The following FAM83F variants were observed in gnomAD, a reference collection of about 807,000 sequenced individuals.
The protein encoded by FAM83F is protein FAM83F.
FAM83F carries 45 observed loss-of-function variants against 42.9 expected under a neutral mutation model. That is an observed-to-expected ratio of 1.05 (90% CI 0.83 to 1.35). The LOEUF (loss-of-function observed/expected upper bound fraction) is 1.35, where lower values mean the gene tolerates loss of function less well. Ranked by LOEUF, FAM83F falls within the 40% of genes most tolerant of loss-of-function variation. The probability of loss-of-function intolerance (pLI) is 0.00; values close to 1 mark genes in which losing one functional copy is unlikely to be tolerated. For missense variants in FAM83F, 617 were observed against 695.9 expected (o/e 0.89, Z 1.28); for synonymous variants, 306 against 298.3 (o/e 1.03, Z -0.27).
chr22:40,021,645 G>A lies in FAM83F; in HGVS notation c.1135G>A (p.Val379Ile). 2 of 1,603,650 alleles carry A rather than the reference G, an allele frequency of 1.2e-6. No individual in the cohort carries two copies. The highest frequency in any genetic ancestry group is 1.7e-6 in the Non-Finnish European group (2 of 1,172,168). ...WRLESFLKDL[V>I]TVEQVLPPVE... ...CCTGGAGAGCTTCCTGAAAGACCTG[G>A]TTACGGTGGAGCAGGTGCTGCCCCC... Residue 379 changes from valine (V) to isoleucine (I), a missense_variant, in exon 4 of 5, where the codon GTT (valine) becomes ATT (isoleucine). By Grantham distance (29) the Val-to-Ile change is conservative. Transcript: ENST00000333407. This position sits in a 1 kb window ranked among gnomAD's most constrained non-coding sequence, Gnocchi z 8.7.
chr22:40,004,031 G>A (rs990580161), intron 1 of FAM83F, among the ~76,000 whole-genome samples: 1 of 152,074 alleles, frequency 6.6e-6, no homozygotes, highest in African/African-American at 2.4e-5. Context: ...GCCTGGGAGG[G>A]CTCCCAGATG....
Position 39,995,575 on chromosome 22 carries a change from C to T in FAM83F, c.489+44C>T. 2.0e-6 allele frequency: 3 copies of T among 1,501,434 alleles called. No individual in the cohort carries two copies. Among genetic ancestry groups the T allele is most frequent in the Non-Finnish European group, 2.7e-6 (3 of 1,118,596 alleles). 93.0% of individuals were successfully genotyped at this position (1,501,434 alleles called of 1,614,324 possible). On this transcript the variant is annotated intron_variant, in intron 1 of 4. Coordinates refer to ENST00000333407, the MANE Select transcript of FAM83F (RefSeq NM_138435.4). This position sits in a 1 kb window ranked among gnomAD's most constrained non-coding sequence, Gnocchi z 4.6. ...CCCCACACCGCTGGGACCTCGGCCC[C>T]AGTCCCCTGGACCGGGCCCCACCTC...
chr22:40,019,106 C>T, intron 1 of FAM83F, 62 bp from the exon 2 acceptor site: 1 of 1,582,802 alleles, frequency 6.3e-7, no homozygotes. Context: ...ACCATCTGAG[C>T]AGGGCATGCC....
intron 1 of FAM83F, among the ~76,000 whole-genome samples, chr22:40,015,146 T>C (rs542935360): frequency 1.3e-5 from 2 of 152,182 alleles, no homozygotes; most frequent in African/African-American, 4.8e-5. Context: ...AATTGGTTCA[T>C]GGGATAATGG....
intron 1 of FAM83F, chr22:39,997,833 G>A (rs994666097): frequency 6.6e-6 from 1 of 152,258 alleles, no homozygotes; most frequent in African/African-American, 2.4e-5. Flanking sequence ...GACACTGTCT[G>A]CGCCCACCCA....
rs1480052165 is a variant in FAM83F at position 39,995,414 on chromosome 22, G to A, written c.372G>A (p.Thr124=). Residue 124 remains threonine, a synonymous_variant, in exon 1 of 5, where the codon ACG becomes ACA. Coordinates refer to ENST00000333407, the MANE Select transcript of FAM83F (RefSeq NM_138435.4). The surrounding 1 kb of genome is among the most constrained non-coding windows in gnomAD (Gnocchi z 4.6). ...TGCCTCCTCTGGACCTGGGCTGGAC[G>A]GACACTGGTTTCTACCGCGGCGTGA... ...TEVPPLDLGW[T]DTGFYRGVSR... The A allele has an allele frequency of 1.9e-6, 3 of 1,550,422 alleles. No homozygotes were observed. The highest frequency in any genetic ancestry group is 2.6e-6 in the Non-Finnish European group (3 of 1,147,276).
In FAM83F at chr22:40,004,715, G is replaced by A. The variant is rs560737453; in HGVS notation, c.489+9184G>A. 2.6e-5 allele frequency among the ~76,000 whole-genome samples: 4 copies of A among 152,322 alleles called. No individual in the cohort carries two copies. The South Asian group carries it at 8.3e-4, about 32-fold the overall frequency. On this transcript the variant is annotated intron_variant, in intron 1 of 4. Transcript: ENST00000333407. Reference sequence around the variant, plus strand: ...GACCTTCTAAAGTGCTGGGATTACAGGCGTGAGCCACCGCGCCTAGCCTAT... The same window carrying A: ...GACCTTCTAAAGTGCTGGGATTACAAGCGTGAGCCACCGCGCCTAGCCTAT...
intron 1 of FAM83F, among the ~76,000 whole-genome samples, chr22:40,011,015 T>C (rs1242861105): frequency 6.6e-6 from 1 of 152,198 alleles, no homozygotes; most frequent in Non-Finnish European, 1.5e-5. Context: ...TTGTGCACTT[T>C]AGTTCACGGC....
At position 40,038,165 on chromosome 22, in the gene FAM83F, G is replaced by A. The variant is rs2067635983; in HGVS notation, c.*8600G>A. 6.6e-6 allele frequency: 1 copy of A among 152,308 alleles called. No individual in the cohort carries two copies. The highest frequency in any genetic ancestry group is 1.5e-5 in the Non-Finnish European group (1 of 68,092). 9.4% of individuals were successfully genotyped at this position (152,308 alleles called of 1,614,324 possible). A position where few individuals can be genotyped will look rare whatever the true frequency, so the allele number is the denominator to read the frequency against. ...ACATGGTTAGGAAGATGGATACTGG[G>A]AGGCAAGTGTTCTGATGGGAAAGCA... On this transcript the variant is annotated 3_prime_UTR_variant, in exon 5 of 5. Coordinates refer to ENST00000333407, the MANE Select transcript of FAM83F (RefSeq NM_138435.4).
chr22:40,023,004 C>G lies in FAM83F; in HGVS notation c.1453+1041C>G, dbSNP rs960838517. On this transcript the variant is annotated intron_variant, in intron 4 of 4. Transcript: ENST00000333407. The surrounding 1 kb of genome is among the most constrained non-coding windows in gnomAD (Gnocchi z 4.1). Reference sequence around the variant, plus strand: ...ACATTCTGTGCTCAGGAAATGTTGGCTAACTTTGCTTCTTGGAGTTGGAAC... The same window carrying G: ...ACATTCTGTGCTCAGGAAATGTTGGGTAACTTTGCTTCTTGGAGTTGGAAC... Among the ~76,000 whole-genome samples the G allele has an allele frequency of 2.6e-5, 4 of 152,238 alleles. No homozygotes were observed. Among genetic ancestry groups the G allele is most frequent in the Non-Finnish European group, 4.4e-5 (3 of 68,046 alleles).
In FAM83F at chr22:40,021,985, C is replaced by T. The variant is rs2067526235; in HGVS notation, c.1453+22C>T. On this transcript the variant is annotated intron_variant, in intron 4 of 4. Coordinates refer to ENST00000333407, the MANE Select transcript of FAM83F (RefSeq NM_138435.4). The surrounding 1 kb of genome is among the most constrained non-coding windows in gnomAD (Gnocchi z 8.7). ...TCAGGTGAGCCCTCTTCCCTCTGGC[C>T]TGGTGCCTCCCCAGGCCTCTGGCCC... 1 of 1,520,146 alleles carries T rather than the reference C, an allele frequency of 6.6e-7. No homozygotes were observed. Among genetic ancestry groups the T allele is most frequent in the Non-Finnish European group, 8.8e-7 (1 of 1,135,786 alleles). 94.2% of individuals were successfully genotyped at this position (1,520,146 alleles called of 1,614,324 possible). A position where few individuals can be genotyped will look rare whatever the true frequency, so the allele number is the denominator to read the frequency against.
intron 4 of FAM83F, among the ~76,000 whole-genome samples, chr22:40,029,001 A>G (rs1022670595): frequency 6.6e-6 from 1 of 152,106 alleles, no homozygotes; most frequent in Non-Finnish European, 1.5e-5. Flanking sequence ...GAGGGGAACC[A>G]GAGAGAAGGA....
At position 39,995,032 on chromosome 22, in the gene FAM83F, G is replaced by A. The variant is rs2067365753; in HGVS notation, c.-11G>A. ...GGCCGGGGCCAGGGCCGGGGCCGGG[G>A]CCGGGGCGCCATGGCCGAGTCCCAG... On this transcript the variant is annotated 5_prime_UTR_variant, in exon 1 of 5. Transcript: ENST00000333407. The surrounding 1 kb of genome is among the most constrained non-coding windows in gnomAD (Gnocchi z 4.6). 64 of 1,269,104 alleles carry A rather than the reference G, an allele frequency of 5.0e-5. No individual in the cohort carries two copies. Among genetic ancestry groups the A allele is most frequent in the Non-Finnish European group, 5.8e-5 (59 of 1,010,284 alleles). 78.6% of individuals were successfully genotyped at this position (1,269,104 alleles called of 1,614,324 possible).
chr22:40,019,780 C>A, intron 2 of FAM83F, 107 bp from the exon 3 acceptor site: 1 of 1,437,080 alleles, frequency 7.0e-7, no homozygotes, highest in Non-Finnish European at 9.3e-7. Flanking sequence ...AGACAGGAGC[C>A]TGCAGGCAGG....
chr22:40,009,170 C>T (rs939315607), intron 1 of FAM83F, among the ~76,000 whole-genome samples: 4 of 152,162 alleles, frequency 2.6e-5, no homozygotes, highest in Non-Finnish European at 1.5e-5. Flanking sequence ...GGAGGCGACT[C>T]GGCCCCAGGC....
Position 39,995,010 on chromosome 22 carries a change from C to T in FAM83F, c.-33C>T, listed in dbSNP as rs2067365326. The T allele has an allele frequency of 2.4e-6, 3 of 1,240,690 alleles. No individual in the cohort carries two copies. The highest frequency in any genetic ancestry group is 1.6e-5 in the African/African-American group (1 of 63,752). 76.9% of individuals were successfully genotyped at this position (1,240,690 alleles called of 1,614,324 possible). ...GTGGGACCTCGGACCGCGGCGGGGC[C>T]GGGGCCAGGGCCGGGGCCGGGGCCG... On this transcript the variant is annotated 5_prime_UTR_variant, in exon 1 of 5. Coordinates refer to ENST00000333407, the MANE Select transcript of FAM83F (RefSeq NM_138435.4). This position sits in a 1 kb window ranked among gnomAD's most constrained non-coding sequence, Gnocchi z 4.6.
At position 40,037,410 on chromosome 22, in the gene FAM83F, C is replaced by T. The variant is rs1268713149; in HGVS notation, c.*7845C>T. 3 of 152,660 alleles carry T rather than the reference C, an allele frequency of 2.0e-5. No homozygotes were observed. The highest frequency in any genetic ancestry group is 2.0e-4 in the Admixed American group (3 of 15,280). The allele number at this position is 152,660 out of a possible 1,614,324, so 9.5% of individuals were successfully genotyped here. A position where few individuals can be genotyped will look rare whatever the true frequency, so the allele number is the denominator to read the frequency against. ...CAAAAAAACAAAAGCAAAAACCAGT[C>T]TTAGCTCACAGGCTGTGCCAAAACA... On this transcript the variant is annotated 3_prime_UTR_variant, in exon 5 of 5. Coordinates refer to ENST00000333407, the MANE Select transcript of FAM83F (RefSeq NM_138435.4).
Position 40,037,035 on chromosome 22 carries a change from A to G in FAM83F, c.*7470A>G, listed in dbSNP as rs1280844836. ...AAACCTTATGAATACTGAAATCTGA[A>G]TCCATAATTTTCATGTATCACAAAG... On this transcript the variant is annotated 3_prime_UTR_variant, in exon 5 of 5. Transcript: ENST00000333407. 2 of 152,234 alleles carry G rather than the reference A, an allele frequency of 1.3e-5. No homozygotes were observed. Among genetic ancestry groups the G allele is most frequent in the Non-Finnish European group, 2.9e-5 (2 of 68,074 alleles). 9.4% of individuals were successfully genotyped at this position (152,234 alleles called of 1,614,324 possible).
chr22:40,019,809 T>C (rs78695708), intron 2 of FAM83F, 78 bp from the exon 3 acceptor site: 2 of 1,521,828 alleles, frequency 1.3e-6, no homozygotes, highest in African/African-American at 1.4e-5. Flanking sequence ...ACAAGGGGGC[T>C]CTTCCTCTGC....
Sources: allele counts gnomAD v4.1 joint callset (sites outside exome capture counted in the v4.1 genomes callset), GRCh38; gene constraint gnomAD v4.1.1; non-coding constraint Gnocchi (gnomAD v3.1); transcripts MANE v1.5; gene names NCBI Gene and HGNC (gene_info 2026-07-23, HGNC 2026-07-21).